The following CNTN5 variants were observed in gnomAD, a reference collection of about 807,000 sequenced individuals.
The protein encoded by CNTN5 is contactin 5.
Under a neutral mutation model 129.1 loss-of-function variants are expected in CNTN5, and 77 were observed. That is an observed-to-expected ratio of 0.60 (90% CI 0.50 to 0.72). CNTN5 has a LOEUF of 0.72. CNTN5 is among the 30% of genes least tolerant of loss of function. The pLI, the probability that CNTN5 is intolerant of heterozygous loss-of-function variation, is 0.00. For synonymous variants in CNTN5, 509 were observed against 465.6 expected, an observed-to-expected ratio of 1.09 and a Z score of -1.20; for missense variants, 1,478 against 1,328.8, an observed-to-expected ratio of 1.11 and a Z score of -1.75.
intron 2 of CNTN5, among the ~76,000 whole-genome samples, chr11:99,443,106 A>G (rs1290113254): frequency 6.6e-6 from 1 of 152,224 alleles, no homozygotes; most frequent in Non-Finnish European, 1.5e-5. Flanking sequence ...TTTGAAAATG[A>G]AAAAAATAAA....
chr11:100,029,650 G>A (rs1941605634), intron 9 of CNTN5, among the ~76,000 whole-genome samples: 1 of 152,104 alleles, frequency 6.6e-6, no homozygotes, highest in Non-Finnish European at 1.5e-5. Flanking sequence ...ATACTGAAAG[G>A]TAAATTTGAG....
chr11:99,843,597 G>A (rs1947585300), intron 4 of CNTN5, among the ~76,000 whole-genome samples: 1 of 151,980 alleles, frequency 6.6e-6, no homozygotes, highest in South Asian at 2.1e-4. Flanking sequence ...TTTATCTGTA[G>A]CAGTAGTTTT....
At chr11:99,499,478 G>C (rs1397646821) in intron 2 of CNTN5, among the ~76,000 whole-genome samples, 1 of 152,102 alleles carries the variant, frequency 6.6e-6, no homozygotes. Context: ...GCCCTCACCG[G>C]ACAACTGAAC....
intron 1 of CNTN5, among the ~76,000 whole-genome samples, chr11:99,171,907 T>C (rs1565375422): frequency 6.6e-6 from 1 of 152,168 alleles, no homozygotes; most frequent in Non-Finnish European, 1.5e-5. Flanking sequence ...CGAATTTCAT[T>C]CAGGAGCAAC....
intron 3 of CNTN5, among the ~76,000 whole-genome samples, chr11:99,797,844 T>C (rs1945994842): frequency 6.6e-6 from 1 of 152,176 alleles, no homozygotes; most frequent in Non-Finnish European, 1.5e-5. Context: ...CGAATGACTT[T>C]TATTATAATT....
chr11:99,906,621 C>A (rs1038523500), intron 6 of CNTN5, among the ~76,000 whole-genome samples: 1 of 152,032 alleles, frequency 6.6e-6, no homozygotes, highest in African/African-American at 2.4e-5. Flanking sequence ...TTTGTTGTGT[C>A]TCTACCAGGT....
chr11:99,675,013 G>GGTTTGGTTTGGTTTT (rs147793466), intron 3 of CNTN5, among the ~76,000 whole-genome samples: 18 of 149,468 alleles, frequency 1.2e-4, no homozygotes, highest in Admixed American at 6.0e-4. Flanking sequence ...GCATTTTTCT[G>GGTTTGGTTTGGTTTT]GTTTTGTTTT....
intron 4 of CNTN5, among the ~76,000 whole-genome samples, chr11:99,837,746 C>T (rs936625304): frequency 6.9e-6 from 1 of 145,390 alleles, no homozygotes; most frequent in African/African-American, 2.5e-5. Context: ...ATTAAAATTA[C>T]ACTAATATAA....
chr11:99,104,644 G>GTGTA lies in CNTN5; in HGVS notation c.-210+83375_-210+83376insGTAT, dbSNP rs1555044673. ...TATATATATATACACACACACACGT[G>GTGTA]TATATATATATATCAAAACATCAGA... On this transcript the variant is annotated intron_variant, in intron 1 of 24. Transcript: ENST00000524871. Among the ~76,000 whole-genome samples, 16 of 142,880 alleles carry GTGTA rather than the reference G, an allele frequency of 1.1e-4. 1 individual carries two copies. Among genetic ancestry groups the GTGTA allele is most frequent in the Admixed American group, 4.3e-4 (6 of 14,072 alleles). The allele number at this position is 142,880 out of a possible 152,430, so 93.7% of individuals were successfully genotyped here.
At chr11:99,095,865 T>C (rs1305179830) in intron 1 of CNTN5, among the ~76,000 whole-genome samples, 1 of 151,904 alleles carries the variant, frequency 6.6e-6, no homozygotes, top group East Asian at 1.9e-4. Context: ...TTGAGAGACA[T>C]GATGTGATTT....
At chr11:99,808,033 C>T (rs993680153) in intron 3 of CNTN5, among the ~76,000 whole-genome samples, 2 of 152,150 alleles carry the variant, frequency 1.3e-5, no homozygotes, top group Non-Finnish European at 2.9e-5. Context: ...AAGAGAAATA[C>T]ATGTTAGCTG....
intron 1 of CNTN5, among the ~76,000 whole-genome samples, chr11:99,087,536 G>T (rs1397443308): frequency 2.0e-5 from 3 of 152,156 alleles, no homozygotes; most frequent in Non-Finnish European, 4.4e-5. Context: ...GGAAGTGGAA[G>T]GGACATAATA....
At chr11:99,618,929 AG>A (rs147174491) in intron 3 of CNTN5, among the ~76,000 whole-genome samples, 9,044 of 152,234 alleles carry the variant, frequency 0.059, 305 homozygotes, top group South Asian at 0.086. Context: ...TGGCTAACCC[AG>A]CCATAATGCA....
intron 3 of CNTN5, among the ~76,000 whole-genome samples, chr11:99,667,874 TAACA>T (rs768194532): frequency 6.6e-6 from 1 of 151,884 alleles, no homozygotes; most frequent in Non-Finnish European, 1.5e-5. Context: ...TATATCTGTG[TAACA>T]AACCACCATG....
intron 7 of CNTN5, among the ~76,000 whole-genome samples, chr11:99,921,907 A>G (rs1203499629): frequency 6.6e-6 from 1 of 152,200 alleles, no homozygotes; most frequent in Non-Finnish European, 1.5e-5. Context: ...CCTTTTTCTC[A>G]TAATTATATT....
In CNTN5 at chr11:100,356,161, A is replaced by G; in HGVS notation, c.3244A>G (p.Thr1082Ala). The G allele has an allele frequency of 1.2e-6, 2 of 1,610,672 alleles. No individual in the cohort carries two copies. Among genetic ancestry groups the G allele is most frequent in the Non-Finnish European group, 1.7e-6 (2 of 1,178,122 alleles). ...SAQSTLHSLS[T>A]SSSSVTLLLA... The stretch of plus-strand genomic sequence containing the variant: ...ACAGTCGACCCTTCACTCTCTCTCC[A>G]CATCTTCGTCATCAGTCACCTTGCT... Residue 1082 changes from threonine (T) to alanine (A), a missense_variant, in exon 25 of 25, where the codon ACA becomes GCA. Physicochemically the swap from Thr to Ala is moderately conservative, Grantham distance 58 (BLOSUM62 0). Coordinates refer to ENST00000524871, the MANE Select transcript of CNTN5 (RefSeq NM_014361.4).
chr11:100,016,202 C>T (rs1377232355), intron 9 of CNTN5, among the ~76,000 whole-genome samples: 3 of 152,026 alleles, frequency 2.0e-5, no homozygotes, highest in Non-Finnish European at 2.9e-5. Context: ...AACTTGAAAA[C>T]AAATGCCATA....
chr11:99,651,664 A>C (rs1419343489), intron 3 of CNTN5, among the ~76,000 whole-genome samples: 1 of 152,058 alleles, frequency 6.6e-6, no homozygotes, highest in Non-Finnish European at 1.5e-5. Context: ...AAATAAAATG[A>C]AGTGTTATAT....
At chr11:99,262,911 G>A (rs1177548165) in intron 1 of CNTN5, among the ~76,000 whole-genome samples, 1 of 151,968 alleles carries the variant, frequency 6.6e-6, no homozygotes, top group Non-Finnish European at 1.5e-5. Context: ...CACTTCTTAA[G>A]GTGAAAGATA....
Sources: gnomAD v4.1 joint callset for allele counts (sites outside exome capture counted in the v4.1 genomes callset) on GRCh38, gnomAD v4.1.1 for gene constraint, MANE v1.5 for transcripts, NCBI Gene and HGNC (gene_info 2026-07-23, HGNC 2026-07-21) for gene names.